Variants in ZMIZ1 observed in about 807,000 individuals in gnomAD.
ZMIZ1 encodes the protein zinc finger MIZ domain-containing protein 1.
In ZMIZ1, 17 loss-of-function variants were observed where a neutral mutation model predicts 113.9. The observed-to-expected ratio is 0.15, with a 90% CI of 0.10 to 0.22. The LOEUF (loss-of-function observed/expected upper bound fraction) is 0.22. Among genes scored for constraint, ZMIZ1 ranks in the 10% least tolerant of loss-of-function variants. ZMIZ1 has a pLI of 1.00. For synonymous variants in ZMIZ1, 607 were observed against 603.1 expected, an observed-to-expected ratio of 1.01 and a Z score of -0.09; for missense variants, 1,059 against 1,477.8, an observed-to-expected ratio of 0.72 and a Z score of 4.65.
intron 1 of ZMIZ1, among the ~76,000 whole-genome samples, chr10:79,094,146 C>A (rs554330683): frequency 6.6e-6 from 1 of 152,230 alleles, no homozygotes; most frequent in African/African-American, 2.4e-5. Flanking sequence ...AGTAAGAGAG[C>A]GCTGCTGCTG....
At chr10:79,075,033 A>AC (rs1311588336) in intron 1 of ZMIZ1, among the ~76,000 whole-genome samples, 4 of 152,156 alleles carry the variant, frequency 2.6e-5, no homozygotes, top group African/African-American at 9.7e-5. Context: ...TGTAATTGTA[A>AC]CCACTTGAAG....
rs183536760 is a variant in ZMIZ1, at chr10:79,253,531, G to A, written c.281-23650G>A. 1.8e-3 allele frequency among the ~76,000 whole-genome samples: 277 copies of A among 152,298 alleles called. 2 individuals carry two copies. The highest frequency in any genetic ancestry group is 0.014 in the Middle Eastern group (4 of 294). On this transcript the variant is annotated intron_variant, in intron 7 of 24. Transcript: ENST00000334512. ...TTCAGAGTCCAGAAAAGCCTTCCAC[G>A]TATGCAGTGGCTTCTCCTCACCCAG...
intron 7 of ZMIZ1, among the ~76,000 whole-genome samples, chr10:79,221,077 G>A (rs753282168): frequency 7.2e-5 from 11 of 152,202 alleles, no homozygotes; most frequent in African/African-American, 1.9e-4. Flanking sequence ...ATCTGTGTGT[G>A]GGTGCATGCC....
chr10:79,205,311 C>T (rs992867764), intron 5 of ZMIZ1, among the ~76,000 whole-genome samples: 1 of 152,210 alleles, frequency 6.6e-6, no homozygotes, highest in Admixed American at 6.5e-5. Flanking sequence ...TGCCCTGGCC[C>T]CTCCCTCCAC....
chr10:79,199,930 G>A (rs1847999573), intron 4 of ZMIZ1, among the ~76,000 whole-genome samples: 1 of 152,228 alleles, frequency 6.6e-6, no homozygotes, highest in Non-Finnish European at 1.5e-5. Flanking sequence ...CCCTCAACAA[G>A]CGTGTGTAGA....
chr10:79,216,611 C>T (rs1848741695), intron 7 of ZMIZ1, among the ~76,000 whole-genome samples: 2 of 152,204 alleles, frequency 1.3e-5, no homozygotes, highest in African/African-American at 2.4e-5. Flanking sequence ...GCACTGTGAG[C>T]TCCCCATTTT....
At chr10:79,200,947 C>G (rs71479655) in intron 4 of ZMIZ1, among the ~76,000 whole-genome samples, 1 of 152,304 alleles carries the variant, frequency 6.6e-6, no homozygotes, top group East Asian at 1.9e-4. Flanking sequence ...GGGCCAAGCC[C>G]TGAACCAGGA....
At chr10:79,142,671 T>G (rs1345678461) in intron 3 of ZMIZ1, among the ~76,000 whole-genome samples, 1 of 152,240 alleles carries the variant, frequency 6.6e-6, no homozygotes, top group Non-Finnish European at 1.5e-5. Context: ...GGCTAGGGGC[T>G]GTGGGCAAGC....
intron 3 of ZMIZ1, among the ~76,000 whole-genome samples, chr10:79,149,679 C>T (rs948675401): frequency 6.6e-6 from 1 of 152,344 alleles, no homozygotes; most frequent in Admixed American, 6.5e-5. Flanking sequence ...GGCTGCGTGG[C>T]CCCGTGGGGT....
intron 3 of ZMIZ1, among the ~76,000 whole-genome samples, chr10:79,142,431 G>A (rs541901566): frequency 6.6e-6 from 1 of 151,998 alleles, no homozygotes; most frequent in African/African-American, 2.4e-5. Context: ...GTGGATAAGG[G>A]GTCTGCAGAG....
intron 5 of ZMIZ1, among the ~76,000 whole-genome samples, chr10:79,204,991 GGAT>G (rs1848255841): frequency 6.6e-6 from 1 of 152,080 alleles, no homozygotes; most frequent in African/African-American, 2.4e-5. Context: ...ATGGATGGAT[GGAT>G]GGATACACGC....
At chr10:79,085,491 C>A (rs72816227) in intron 1 of ZMIZ1, among the ~76,000 whole-genome samples, 19,604 of 152,234 alleles carry the variant, frequency 0.13, 1,388 homozygotes, top group South Asian at 0.19. Flanking sequence ...TGCCGTCTGG[C>A]CTGCACCAGA....
rs1277727397 is a variant in ZMIZ1 at position 79,128,879 on chromosome 10, C to T, written c.-227+9855C>T. On this transcript the variant is annotated intron_variant, in intron 2 of 24. Coordinates refer to ENST00000334512, the MANE Select transcript of ZMIZ1 (RefSeq NM_020338.4). ...TGCTTGGCAGGTGTGAGAGCCTGGG[C>T]GTGCTTAACCCATCCACACCTCAAT... 4.6e-5 allele frequency among the ~76,000 whole-genome samples: 7 copies of T among 152,276 alleles called. No individual in the cohort carries two copies. In the South Asian group the frequency reaches 1.5e-3, roughly 32 times the overall value.
At chr10:79,097,140 A>T (rs890085256) in intron 1 of ZMIZ1, among the ~76,000 whole-genome samples, 1 of 152,202 alleles carries the variant, frequency 6.6e-6, no homozygotes, top group African/African-American at 2.4e-5. Flanking sequence ...TGCTGTGGGC[A>T]TGGGCTCAGG....
intron 5 of ZMIZ1, among the ~76,000 whole-genome samples, chr10:79,205,813 C>T (rs906299626): frequency 1.3e-5 from 2 of 152,094 alleles, no homozygotes; most frequent in African/African-American, 4.8e-5. Flanking sequence ...TGACCAAGGC[C>T]AAAGAGCTGC....
chr10:79,113,774 G>GC (rs1354315044), intron 1 of ZMIZ1, among the ~76,000 whole-genome samples: 1 of 151,722 alleles, frequency 6.6e-6, no homozygotes, highest in African/African-American at 2.4e-5. Flanking sequence ...GGCCAAGGCT[G>GC]CCCCCCTTTC....
chr10:79,291,400 A>G (rs1268122575), intron 10 of ZMIZ1, among the ~76,000 whole-genome samples: 1 of 152,266 alleles, frequency 6.6e-6, no homozygotes, highest in Non-Finnish European at 1.5e-5. Context: ...TCAGACTCGT[A>G]GAAATAGAGA....
intron 1 of ZMIZ1, among the ~76,000 whole-genome samples, chr10:79,116,906 A>G (rs938030425): frequency 6.6e-6 from 1 of 152,252 alleles, no homozygotes; most frequent in Non-Finnish European, 1.5e-5. Context: ...AAACCACCTG[A>G]AAACTTGGTG....
rs145151049 is a variant in ZMIZ1, at chr10:79,214,962, G to A, written c.175-1207G>A. ...AAGCCACCCAAGGGTCCCCTGGAGC[G>A]CCCCGTCCCACACTGCCCCCCAGGG... On this transcript the variant is annotated intron_variant, in intron 6 of 24. Transcript: ENST00000334512. Among the ~76,000 whole-genome samples, 1,014 of 152,254 alleles carry A rather than the reference G, an allele frequency of 6.7e-3. 10 individuals are homozygous for A. Among genetic ancestry groups the A allele is most frequent in the African/African-American group, 0.023 (946 of 41,538 alleles).
Sources: gnomAD v4.1 joint callset for allele counts (sites outside exome capture counted in the v4.1 genomes callset) on GRCh38, gnomAD v4.1.1 for gene constraint, MANE v1.5 for transcripts, NCBI Gene and HGNC (gene_info 2026-07-23, HGNC 2026-07-21) for gene names.